The following HCK variants were observed in gnomAD, a reference collection of about 807,000 sequenced individuals.
HCK encodes tyrosine-protein kinase HCK.
HCK carries 40 observed loss-of-function variants against 70.4 expected under a neutral mutation model. The ratio of observed to expected loss-of-function variants is 0.57; its 90% CI spans 0.44 to 0.74. The LOEUF (loss-of-function observed/expected upper bound fraction) is 0.74, where lower values mean the gene tolerates loss of function less well. HCK is among the 30% of genes least tolerant of loss of function. The pLI, the probability that HCK is intolerant of heterozygous loss-of-function variation, is 0.00. For missense variants in HCK, 568 were observed against 697.2 expected, an observed-to-expected ratio of 0.81 and a Z score of 2.09; for synonymous variants, 245 against 263.2, an observed-to-expected ratio of 0.93 and a Z score of 0.67.
Position 32,083,921 on chromosome 20 carries a change from A to G in HCK, c.560A>G (p.Tyr187Cys), listed in dbSNP as rs199854883. ...AGCTACTCTTTGTCCGTGCGAGACT[A>G]CGACCCTCGGCAGGGAGATACCGTG... Residue 187 changes from tyrosine (Y) to cysteine (C), a missense_variant, in exon 7 of 13, where the codon TAC (tyrosine) becomes TGC (cysteine). Physicochemically the swap from Tyr to Cys is radical, Grantham distance 194. Coordinates refer to ENST00000375852, the MANE Select transcript of HCK (RefSeq NM_002110.5). The G allele has an allele frequency of 3.7e-6, 6 of 1,614,182 alleles. No individual in the cohort carries two copies. The highest frequency in any genetic ancestry group is 5.1e-6 in the Non-Finnish European group (6 of 1,180,024).
intron 6 of HCK, among the ~76,000 whole-genome samples, chr20:32,082,842 GT>G (rs1308762022): frequency 2.0e-5 from 3 of 151,948 alleles, no homozygotes; most frequent in Middle Eastern, 3.2e-3. Context: ...AGTAATTTCA[GT>G]TTTTTCCACT....
At chr20:32,067,970 C>CT (rs1194088081) in intron 1 of HCK, among the ~76,000 whole-genome samples, 55 of 152,078 alleles carry the variant, frequency 3.6e-4, no homozygotes, top group African/African-American at 1.3e-3. Flanking sequence ...TTTCTTTTTA[C>CT]TTTAAGAAAC....
chr20:32,088,909 C>A (rs192990886), intron 10 of HCK, among the ~76,000 whole-genome samples: 3 of 152,198 alleles, frequency 2.0e-5, no homozygotes, highest in Admixed American at 6.5e-5. Flanking sequence ...CTTGAAACAA[C>A]AGCAATTGTT....
intron 1 of HCK, chr20:32,054,398 C>G (rs1372072491): frequency 4.8e-6 from 2 of 420,426 alleles, no homozygotes; most frequent in Non-Finnish European, 9.5e-6. Flanking sequence ...TCGCTTGAAC[C>G]CGGGGAAGCA....
At chr20:32,075,980 A>T (rs1195277502) in intron 5 of HCK, among the ~76,000 whole-genome samples, 2 of 152,160 alleles carry the variant, frequency 1.3e-5, no homozygotes, top group Non-Finnish European at 2.9e-5. Context: ...TGGGTTTGGG[A>T]TGCTTGCCTG....
chr20:32,093,291 CG>C (rs1201968383), intron 10 of HCK, among the ~76,000 whole-genome samples: 1 of 152,084 alleles, frequency 6.6e-6, no homozygotes, highest in Non-Finnish European at 1.5e-5. Context: ...GGGGCTTTGC[CG>C]GGCTCATCAC....
intron 6 of HCK, among the ~76,000 whole-genome samples, chr20:32,082,078 G>A (rs1170155751): frequency 6.6e-6 from 1 of 152,168 alleles, no homozygotes; most frequent in East Asian, 1.9e-4. Context: ...CCAGCTGCCT[G>A]GATTTGAATC....
intron 1 of HCK, among the ~76,000 whole-genome samples, chr20:32,069,271 A>AC (rs981892196): frequency 6.6e-6 from 1 of 151,766 alleles, no homozygotes; most frequent in African/African-American, 2.4e-5. Context: ...GTCTTCTGAG[A>AC]CCCCTCCCTC....
At chr20:32,088,011 C>A (rs242615) in intron 9 of HCK, among the ~76,000 whole-genome samples, 1 of 151,908 alleles carries the variant, frequency 6.6e-6, no homozygotes, top group South Asian at 2.1e-4. Flanking sequence ...CTGGGTTCAA[C>A]TGATCCTCCC....
At chr20:32,088,876 A>G (rs752154859) in intron 10 of HCK, among the ~76,000 whole-genome samples, 1 of 152,080 alleles carries the variant, frequency 6.6e-6, no homozygotes, top group Non-Finnish European at 1.5e-5. Context: ...TTTTGGTATA[A>G]CAAACCATCC....
rs145967888 is a variant in HCK, at chr20:32,074,778, T to C, written c.428+57T>C. 6.6e-4 allele frequency: 830 copies of C among 1,252,266 alleles called. 3 individuals are homozygous for C. In the African/African-American group the frequency reaches 0.011, roughly 16 times the overall value. The allele number at this position is 1,252,266 out of a possible 1,614,324, so 77.6% of individuals were successfully genotyped here. A position where few individuals can be genotyped will look rare whatever the true frequency, so the allele number is the denominator to read the frequency against. ...AGGCATGAGCAAAGCCAGCCTTGTT[T>C]GCAACTCAGGACGTCTGCACACACT... On this transcript the variant is annotated intron_variant, in intron 5 of 12. Transcript: ENST00000375852.
At chr20:32,062,396 C>G (rs1195127729) in intron 1 of HCK, among the ~76,000 whole-genome samples, 1 of 152,184 alleles carries the variant, frequency 6.6e-6, no homozygotes, top group African/African-American at 2.4e-5. Flanking sequence ...CACAGTTGCT[C>G]TGGAATTCTG....
At chr20:32,061,748 G>C (rs368723410) in intron 1 of HCK, among the ~76,000 whole-genome samples, 2 of 152,218 alleles carry the variant, frequency 1.3e-5, no homozygotes, top group East Asian at 3.9e-4. Context: ...TTGGTGAGTT[G>C]AAGAAGAGCA....
At chr20:32,079,182 C>T (rs964966916) in intron 5 of HCK, among the ~76,000 whole-genome samples, 3 of 152,192 alleles carry the variant, frequency 2.0e-5, no homozygotes, top group African/African-American at 7.2e-5. Flanking sequence ...GGATATAATC[C>T]TAAGTATAAA....
chr20:32,086,280 A>G (rs991106910), intron 8 of HCK, among the ~76,000 whole-genome samples: 3 of 152,158 alleles, frequency 2.0e-5, no homozygotes, highest in African/African-American at 7.2e-5. Context: ...CGGCCCCCCA[A>G]AGTGCTGAGA....
At chr20:32,062,692 A>G (rs1046629758) in intron 1 of HCK, among the ~76,000 whole-genome samples, 2 of 152,160 alleles carry the variant, frequency 1.3e-5, no homozygotes, top group Non-Finnish European at 2.9e-5. Flanking sequence ...TATGAGAAAG[A>G]AGCTGAGGCT....
chr20:32,068,812 T>G (rs967480577), intron 1 of HCK, among the ~76,000 whole-genome samples: 1 of 151,608 alleles, frequency 6.6e-6, no homozygotes, highest in Non-Finnish European at 1.5e-5. Flanking sequence ...GGCATGGTAG[T>G]TTGTAACTGT....
chr20:32,101,419 G>A lies in HCK; in HGVS notation c.1481G>A (p.Trp494Ter). ...CTCTACAACATCATGATGCGCTGCT[G>A]GAAAAACCGTCCGGAGGAGCGGCCG... The change falls in exon 13 of 13, where the codon TGG becomes TAG. Residue 494 changes from tryptophan to a stop codon, truncating the protein, a stop_gained. Transcript: ENST00000375852. LOFTEE classifies it high-confidence loss of function. 6.2e-7 allele frequency: 1 copy of A among 1,614,194 alleles called. No individual in the cohort carries two copies.
intron 1 of HCK, among the ~76,000 whole-genome samples, chr20:32,059,547 G>T (rs958996620): frequency 2.1e-5 from 3 of 141,302 alleles, no homozygotes; most frequent in African/African-American, 2.7e-5. Context: ...ACAGGGTCTC[G>T]CTCTGTCTCC....
Sources: allele counts gnomAD v4.1 joint callset (sites outside exome capture counted in the v4.1 genomes callset), GRCh38; gene constraint gnomAD v4.1.1; transcripts MANE v1.5; gene names NCBI Gene and HGNC (gene_info 2026-07-23, HGNC 2026-07-21).